The following TERB2 variants were observed in gnomAD, a reference collection of about 807,000 sequenced individuals.
The protein encoded by TERB2 is telomere repeats-binding bouquet formation protein 2.
In TERB2, 26 loss-of-function variants were observed where a neutral mutation model predicts 29.8. That is an observed-to-expected ratio of 0.87 (90% CI 0.64 to 1.21). The LOEUF (loss-of-function observed/expected upper bound fraction) is 1.21. TERB2 is among the 50% of genes most tolerant of loss of function. The probability of loss-of-function intolerance (pLI) is 0.00; values close to 1 mark genes in which losing one functional copy is unlikely to be tolerated. For missense variants in TERB2, 240 were observed against 268.6 expected (o/e 0.89, Z 0.74); for synonymous variants, 80 against 90.8 (o/e 0.88, Z 0.68).
rs1226434173 is a variant in TERB2 at position 44,978,614 on chromosome 15, T to G, written c.649T>G (p.Leu217Val). 1 of 1,596,370 alleles carries G rather than the reference T, an allele frequency of 6.3e-7. No individual in the cohort carries two copies. The highest frequency in any genetic ancestry group is 8.5e-7 in the Non-Finnish European group (1 of 1,172,752). Residue 217 changes from leucine (L) to valine (V), a missense_variant, in exon 7 of 7, where the codon TTG (leucine) becomes GTG (valine). Transcript: ENST00000340827. The part of the protein sequence containing the change: ...EINMSAIKNK[L>V]KRK ...TAATATGTCTGCTATAAAAAACAAA[T>G]TGAAGAGGAAATAGTAAATTAAATT...
At position 44,966,244 on chromosome 15, in the gene TERB2, G is replaced by A; in HGVS notation, c.434+1G>A. On this transcript the variant is annotated splice_donor_variant, in intron 5 of 6. Coordinates refer to ENST00000340827, the MANE Select transcript of TERB2 (RefSeq NM_152448.3). LOFTEE classifies it high-confidence loss of function. ...AGCACAAAAAAGAATTATCCAAAAG[G>A]TATTGAATTCAGAAACTTCATTAAT... The A allele has an allele frequency of 6.6e-7, 1 of 1,525,038 alleles. No individual in the cohort carries two copies. Among genetic ancestry groups the A allele is most frequent in the Non-Finnish European group, 8.8e-7 (1 of 1,139,052 alleles). 94.5% of individuals were successfully genotyped at this position (1,525,038 alleles called of 1,614,324 possible).
At chr15:44,967,961 C>T (rs1299217446) in intron 5 of TERB2, among the ~76,000 whole-genome samples, 3 of 103,938 alleles carry the variant, frequency 2.9e-5, no homozygotes, top group Admixed American at 1.2e-4. Context: ...CCAAAAACAA[C>T]AGAAATGGAC....
chr15:44,963,718 A>C (rs1343460985), intron 4 of TERB2, among the ~76,000 whole-genome samples: 1 of 152,008 alleles, frequency 6.6e-6, no homozygotes, highest in African/African-American at 2.4e-5. Context: ...CACAAAAATA[A>C]AAAGAGAGAG....
At chr15:44,959,769 A>G (rs1272485195) in intron 3 of TERB2, among the ~76,000 whole-genome samples, 1 of 152,242 alleles carries the variant, frequency 6.6e-6, no homozygotes, top group Non-Finnish European at 1.5e-5. Flanking sequence ...GCTTGTCTAC[A>G]TATCAAGATA....
intron 6 of TERB2, among the ~76,000 whole-genome samples, chr15:44,977,219 G>A (rs576456391): frequency 4.6e-5 from 7 of 152,042 alleles, no homozygotes; most frequent in Non-Finnish European, 1.0e-4. Flanking sequence ...CTCACAGCTC[G>A]GATGATACGG....
At chr15:44,965,522 T>C (rs1891873942) in intron 4 of TERB2, among the ~76,000 whole-genome samples, 1 of 144,350 alleles carries the variant, frequency 6.9e-6, no homozygotes, top group Admixed American at 7.1e-5. Context: ...TAGATATATA[T>C]AATTATATAT....
chr15:44,959,255 G>A (rs1891766055), intron 3 of TERB2, among the ~76,000 whole-genome samples: 3 of 152,066 alleles, frequency 2.0e-5, no homozygotes, highest in African/African-American at 4.8e-5. Context: ...TAGGAAATAG[G>A]ATGGGGAAGT....
At position 44,956,748 on chromosome 15, in the gene TERB2, C is replaced by A. The variant is rs776218878; in HGVS notation, c.30C>A (p.Cys10Ter). 6.2e-7 allele frequency: 1 copy of A among 1,612,494 alleles called. No homozygotes were observed. The highest frequency in any genetic ancestry group is 8.5e-7 in the Non-Finnish European group (1 of 1,179,432). The change falls in exon 1 of 7, where the codon TGC (cysteine) becomes TGA (stop). Residue 10 changes from cysteine to a stop codon, truncating the protein, a stop_gained. Transcript: ENST00000340827. LOFTEE classifies it high-confidence loss of function. ...TTCAAGGGCAGCGCGGTTGGTTTTG[C>A]GGCAGCGTTAGCCAGGATCTGAGGC... MFQGQRGWF[C>*]GSVSQDLRQF...
At chr15:44,961,005 G>A (rs1331226537) in intron 3 of TERB2, among the ~76,000 whole-genome samples, 2 of 151,264 alleles carry the variant, frequency 1.3e-5, no homozygotes, top group Non-Finnish European at 2.9e-5. Context: ...TATATCTAAT[G>A]CATTATATAG....
intron 2 of TERB2, among the ~76,000 whole-genome samples, chr15:44,957,718 C>A (rs1891740696): frequency 6.6e-6 from 1 of 152,090 alleles, no homozygotes; most frequent in South Asian, 2.1e-4. Context: ...AATCTGTTCC[C>A]TGAGATCCCC....
chr15:44,970,237 G>A (rs554058320), intron 5 of TERB2: 63 of 199,316 alleles, frequency 3.2e-4, no homozygotes, highest in Non-Finnish European at 5.2e-4. Context: ...TTATCTGTCC[G>A]TGATTGGAGG....
chr15:44,958,641 A>G (rs762082684), intron 3 of TERB2, 129 bp downstream of exon 3: 22 of 1,013,154 alleles, frequency 2.2e-5, no homozygotes, highest in Non-Finnish European at 2.5e-5. Flanking sequence ...TCTATTTAAC[A>G]TAAGTGGAAA....
At chr15:44,958,000 T>C (rs1308478895) in intron 2 of TERB2, among the ~76,000 whole-genome samples, 2 of 152,228 alleles carry the variant, frequency 1.3e-5, no homozygotes, top group Non-Finnish European at 2.9e-5. Context: ...TATGTGAAGC[T>C]TTCTCTGACT....
chr15:44,960,277 T>C (rs1891780265), intron 3 of TERB2, among the ~76,000 whole-genome samples: 1 of 152,232 alleles, frequency 6.6e-6, no homozygotes, highest in Non-Finnish European at 1.5e-5. Flanking sequence ...GCCTATTGTC[T>C]AGTAGAAGTG....
chr15:44,960,588 ATAT>A (rs1449378316), intron 3 of TERB2, among the ~76,000 whole-genome samples: 2 of 152,126 alleles, frequency 1.3e-5, no homozygotes, highest in Non-Finnish European at 2.9e-5. Context: ...TATATCTAAA[ATAT>A]TATTTCAATA....
chr15:44,962,159 A>T (rs924717508), intron 4 of TERB2, among the ~76,000 whole-genome samples: 3 of 151,968 alleles, frequency 2.0e-5, no homozygotes, highest in African/African-American at 7.3e-5. Flanking sequence ...GAAGAGAATA[A>T]CAGGTGCATA....
At chr15:44,967,329 G>A (rs1184449484) in intron 5 of TERB2, among the ~76,000 whole-genome samples, 1 of 152,196 alleles carries the variant, frequency 6.6e-6, no homozygotes, top group Non-Finnish European at 1.5e-5. Context: ...TGGAGGCAGG[G>A]GAATCCCCAC....
chr15:44,960,806 G>A (rs1473737065), intron 3 of TERB2, among the ~76,000 whole-genome samples: 1 of 151,984 alleles, frequency 6.6e-6, no homozygotes, highest in Non-Finnish European at 1.5e-5. Context: ...TTTGACTACT[G>A]TGAAAACTTT....
At chr15:44,978,404 T>G in intron 6 of TERB2, 85 bp from the exon 7 acceptor site, 1 of 1,380,548 alleles carries the variant, frequency 7.2e-7, no homozygotes, top group South Asian at 2.1e-5. Context: ...TTAGAAGTCT[T>G]AACTCTAATA....
Sources: gnomAD v4.1 joint callset for allele counts (sites outside exome capture counted in the v4.1 genomes callset) on GRCh38, gnomAD v4.1.1 for gene constraint, MANE v1.5 for transcripts, NCBI Gene and HGNC (gene_info 2026-07-23, HGNC 2026-07-21) for gene names.